Variants in GPM6A observed in about 807,000 individuals in gnomAD.
GPM6A encodes neuronal membrane glycoprotein M6-a.
In GPM6A, 7 loss-of-function variants were observed where a neutral mutation model predicts 32.1. The observed-to-expected ratio is 0.22, with a 90% CI of 0.12 to 0.41. The LOEUF (loss-of-function observed/expected upper bound fraction) is 0.41. Ranked by LOEUF, GPM6A falls within the 10% of genes least tolerant of loss-of-function variation. The pLI, the probability that GPM6A is intolerant of heterozygous loss-of-function variation, is 1.00. For missense variants in GPM6A, 235 were observed against 347.2 expected (o/e 0.68, Z 2.57); for synonymous variants, 130 against 123.4 (o/e 1.05, Z -0.35).
chr4:175,736,297 G>C (rs1428209947), intron 1 of GPM6A, among the ~76,000 whole-genome samples: 1 of 152,042 alleles, frequency 6.6e-6, no homozygotes, highest in Non-Finnish European at 1.5e-5. Context: ...ATTATAGCGC[G>C]ACCCACAGCA....
Position 175,994,341 on chromosome 4 carries a change from C to A in GPM6A, c.-23+7968G>T, listed in dbSNP as rs973849414. ...AGGTAGCTCTTGGTAATATTAGGAC[C>A]AGGATTAGAAAATAAAAATAGTGCA... On this transcript the variant is annotated intron_variant, in intron 1 of 7. Transcript: ENST00000280187. Among the ~76,000 whole-genome samples the A allele has an allele frequency of 2.6e-5, 4 of 152,064 alleles. No individual in the cohort carries two copies. In the East Asian group the frequency reaches 7.8e-4, roughly 29 times the overall value.
intron 1 of GPM6A, among the ~76,000 whole-genome samples, chr4:175,951,438 T>C (rs1416196299): frequency 2.6e-5 from 4 of 151,982 alleles, no homozygotes; most frequent in East Asian, 1.9e-4. Context: ...GAGGATAGAG[T>C]TGGACAAGCA....
intron 1 of GPM6A, among the ~76,000 whole-genome samples, chr4:175,738,973 T>C (rs776520302): frequency 6.6e-6 from 1 of 152,150 alleles, no homozygotes; most frequent in Non-Finnish European, 1.5e-5. Flanking sequence ...TAGTCTTTGC[T>C]TTCATGAAAA....
At chr4:175,635,789 C>A (rs1268270569) in intron 6 of GPM6A, among the ~76,000 whole-genome samples, 1 of 151,890 alleles carries the variant, frequency 6.6e-6, no homozygotes, top group Non-Finnish European at 1.5e-5. Context: ...CCCTCTTGGT[C>A]CACAGGGGAG....
chr4:175,733,643 GT>G (rs1391662544), intron 1 of GPM6A, among the ~76,000 whole-genome samples: 5 of 152,042 alleles, frequency 3.3e-5, no homozygotes, highest in South Asian at 2.1e-4. Context: ...AAAAAAAAGT[GT>G]TTTTTTCCAA....
intron 1 of GPM6A, among the ~76,000 whole-genome samples, chr4:175,993,306 A>C (rs1264866032): frequency 1.3e-5 from 2 of 152,066 alleles, no homozygotes. Context: ...TTAAAACAAA[A>C]TATATTGTAT....
chr4:175,842,786 A>G (rs935275045), intron 1 of GPM6A, among the ~76,000 whole-genome samples: 6 of 152,056 alleles, frequency 3.9e-5, no homozygotes, highest in African/African-American at 1.4e-4. Flanking sequence ...GCTATATACC[A>G]CAGTTAATTT....
chr4:175,858,256 A>T (rs1736471946), intron 1 of GPM6A, among the ~76,000 whole-genome samples: 1 of 152,130 alleles, frequency 6.6e-6, no homozygotes, highest in African/African-American at 2.4e-5. Context: ...AAAGGGTTGG[A>T]CGCTGCGGCT....
intron 1 of GPM6A, among the ~76,000 whole-genome samples, chr4:175,822,083 C>T (rs1735293831): frequency 6.6e-6 from 1 of 152,060 alleles, no homozygotes; most frequent in African/African-American, 2.4e-5. Flanking sequence ...TTCTAGTACA[C>T]ATTTCTGAGG....
At chr4:176,002,221 G>T in intron 1 of GPM6A, 2 of 1,376,042 alleles carry the variant, frequency 1.5e-6, no homozygotes, top group Non-Finnish European at 2.0e-6. Flanking sequence ...CGCAGTCTGA[G>T]GCCGAGGAAC....
At chr4:175,735,219 G>C (rs1731609025) in intron 1 of GPM6A, among the ~76,000 whole-genome samples, 2 of 152,118 alleles carry the variant, frequency 1.3e-5, no homozygotes, top group South Asian at 4.1e-4. Flanking sequence ...TGAAGAATTA[G>C]TGTGGAAATT....
At chr4:175,784,081 A>T (rs559840245) in intron 1 of GPM6A, among the ~76,000 whole-genome samples, 1 of 152,216 alleles carries the variant, frequency 6.6e-6, no homozygotes, top group Admixed American at 6.5e-5. Flanking sequence ...TAGCCAAGTG[A>T]TCAATATTAA....
At position 175,908,851 on chromosome 4, in the gene GPM6A, G is replaced by A. The variant is rs114821009; in HGVS notation, c.-23+93458C>T. Among the ~76,000 whole-genome samples the A allele has an allele frequency of 8.0e-3, 1,217 of 152,064 alleles. 16 individuals are homozygous for A. The highest frequency in any genetic ancestry group is 0.028 in the African/African-American group (1,173 of 41,504). On this transcript the variant is annotated intron_variant, in intron 1 of 7. Coordinates refer to the GPM6A transcript ENST00000280187. ...AAGATTGTTTTTCTCATATTGTATT[G>A]GGCTTTGTCTTTGCAAGAATAATTA...
At chr4:175,780,612 A>G (rs1480839030) in intron 1 of GPM6A, among the ~76,000 whole-genome samples, 1 of 152,214 alleles carries the variant, frequency 6.6e-6, no homozygotes. Flanking sequence ...GTTTTCGCTT[A>G]ATGATTTCAT....
chr4:175,864,223 G>A (rs951418637), intron 1 of GPM6A, among the ~76,000 whole-genome samples: 6 of 152,166 alleles, frequency 3.9e-5, no homozygotes, highest in Non-Finnish European at 5.9e-5. Flanking sequence ...TTGTAATGAA[G>A]TGGCACGGTA....
intron 1 of GPM6A, among the ~76,000 whole-genome samples, chr4:175,915,613 C>T (rs541719098): frequency 2.2e-4 from 34 of 152,216 alleles, no homozygotes; most frequent in African/African-American, 7.9e-4. Context: ...TGTAGAAAAA[C>T]TGACAAACAG....
At chr4:175,823,057 T>C (rs1735327900) in intron 1 of GPM6A, among the ~76,000 whole-genome samples, 1 of 152,210 alleles carries the variant, frequency 6.6e-6, no homozygotes, top group South Asian at 2.1e-4. Context: ...TTTTCTAACA[T>C]TCGTAACACC....
At chr4:175,786,586 T>C (rs1733807711) in intron 1 of GPM6A, among the ~76,000 whole-genome samples, 1 of 152,094 alleles carries the variant, frequency 6.6e-6, no homozygotes, top group Admixed American at 6.6e-5. Flanking sequence ...TTCCTGTTTC[T>C]CTATTCTCTT....
chr4:175,763,273 A>T (rs1409130023), intron 1 of GPM6A, among the ~76,000 whole-genome samples: 1 of 152,112 alleles, frequency 6.6e-6, no homozygotes, highest in Admixed American at 6.6e-5. Flanking sequence ...CGGCCTCCCA[A>T]AGTGCTGGGA....
Sources: gnomAD v4.1 joint callset for allele counts (sites outside exome capture counted in the v4.1 genomes callset) on GRCh38, gnomAD v4.1.1 for gene constraint, MANE v1.5 for transcripts, NCBI Gene and HGNC (gene_info 2026-07-23, HGNC 2026-07-21) for gene names.